The following EIF2AK4 variants were observed in gnomAD, a reference collection of about 807,000 sequenced individuals.
EIF2AK4 encodes the protein eukaryotic translation initiation factor 2 alpha kinase 4.
Under a neutral mutation model 211.1 loss-of-function variants are expected in EIF2AK4, and 139 were observed. The ratio of observed to expected loss-of-function variants is 0.66; its 90% CI spans 0.57 to 0.76. The LOEUF (loss-of-function observed/expected upper bound fraction) is 0.76. Among genes scored for constraint, EIF2AK4 ranks in the 30% least tolerant of loss-of-function variants. EIF2AK4 has a pLI of 0.00. For synonymous variants in EIF2AK4, 710 were observed against 751.3 expected (o/e 0.94, Z 0.90); for missense variants, 1,664 against 2,043.8 (o/e 0.81, Z 3.58).
chr15:40,024,403 C>CTTTT (rs554877205), intron 32 of EIF2AK4, among the ~76,000 whole-genome samples: 15 of 90,762 alleles, frequency 1.7e-4, no homozygotes, highest in Admixed American at 2.8e-4. Flanking sequence ...TTGAGTTTTC[C>CTTTT]TTTTTTTTTT....
At chr15:39,956,870 A>G (rs1368817761) in intron 6 of EIF2AK4, among the ~76,000 whole-genome samples, 2 of 152,252 alleles carry the variant, frequency 1.3e-5, no homozygotes, top group Admixed American at 6.5e-5. Context: ...AAACTTCTGT[A>G]TAGTTTGTTT....
chr15:39,953,430 T>C (rs1400412678), intron 4 of EIF2AK4, among the ~76,000 whole-genome samples: 1 of 152,182 alleles, frequency 6.6e-6, no homozygotes, highest in African/African-American at 2.4e-5. Context: ...GATTGAAGAA[T>C]GGCAGGTAGG....
chr15:40,023,364 G>A (rs987106660), intron 32 of EIF2AK4, among the ~76,000 whole-genome samples: 8 of 151,278 alleles, frequency 5.3e-5, no homozygotes, highest in African/African-American at 1.7e-4. Flanking sequence ...TTTTGGTTTC[G>A]ATATCAGGGT....
rs762737916 is a variant in EIF2AK4 at position 40,001,023 on chromosome 15, A to G, written c.2958A>G (p.Pro986=). ...SVISWLLNHD[P]AKRPTATELL... ...TCTCCTGGCTGTTGAACCACGATCC[A>G]GCAAAACGGCCCACAGCCACAGAAC... Residue 986 remains proline, a synonymous_variant, in exon 21 of 39, where the codon CCA becomes CCG. Transcript: ENST00000263791. 2.0e-5 allele frequency: 33 copies of G among 1,614,110 alleles called. No individual in the cohort carries two copies. In the East Asian group the frequency reaches 7.4e-4, roughly 36 times the overall value.
At chr15:39,968,528 C>G (rs1204129082) in intron 9 of EIF2AK4, among the ~76,000 whole-genome samples, 1 of 152,200 alleles carries the variant, frequency 6.6e-6, no homozygotes, top group Non-Finnish European at 1.5e-5. Context: ...CAAGCCAGAG[C>G]TAAGTTCTGT....
chr15:40,000,320 A>T (rs1310500701), intron 20 of EIF2AK4, among the ~76,000 whole-genome samples: 1 of 152,224 alleles, frequency 6.6e-6, no homozygotes, highest in East Asian at 1.9e-4. Flanking sequence ...AAAATGCTTA[A>T]TAAAGTCCAT....
intron 38 of EIF2AK4, 60 bp from the exon 39 acceptor site, chr15:40,034,967 A>G: frequency 7.4e-7 from 1 of 1,345,942 alleles, no homozygotes; most frequent in East Asian, 2.4e-5. Context: ...AAAATTTATT[A>G]GCTCTGTTCT....
At chr15:39,997,438 G>A (rs2035032399) in intron 19 of EIF2AK4, among the ~76,000 whole-genome samples, 1 of 152,146 alleles carries the variant, frequency 6.6e-6, no homozygotes, top group South Asian at 2.1e-4. Context: ...ATCTTACCTG[G>A]AGAAATTGCT....
chr15:40,001,294 A>T, intron 21 of EIF2AK4, 70 bp downstream of exon 21: 1 of 1,487,434 alleles, frequency 6.7e-7, no homozygotes, highest in Admixed American at 1.7e-5. Context: ...AGTTTCTCAC[A>T]GATTCTTTTA....
intron 5 of EIF2AK4, among the ~76,000 whole-genome samples, 185 bp from the exon 6 acceptor site, chr15:39,955,435 G>T (rs555401633): frequency 6.6e-6 from 1 of 152,080 alleles, no homozygotes; most frequent in South Asian, 2.1e-4. Context: ...GCATTTCTTT[G>T]TGTTGGAAAC....
At chr15:40,035,006 A>ATCTTT (rs138634589) in intron 38 of EIF2AK4, 21 bp from the exon 39 acceptor site, 12 of 1,569,158 alleles carry the variant, frequency 7.6e-6, no homozygotes, top group Non-Finnish European at 1.0e-5. Context: ...CTGTCCTTAT[A>ATCTTT]TCTTTTCTTT....
intron 33 of EIF2AK4, among the ~76,000 whole-genome samples, chr15:40,027,366 G>C (rs992328733): frequency 2.0e-5 from 3 of 152,196 alleles, no homozygotes; most frequent in Admixed American, 1.3e-4. Context: ...AATATTTTAA[G>C]ATTATTATGA....
intron 33 of EIF2AK4, among the ~76,000 whole-genome samples, chr15:40,028,872 T>A (rs2035501156): frequency 1.3e-5 from 2 of 152,242 alleles, no homozygotes; most frequent in South Asian, 4.1e-4. Context: ...AAGTTTTTCC[T>A]CCAGCAAATG....
intron 27 of EIF2AK4, among the ~76,000 whole-genome samples, chr15:40,014,922 C>T (rs961576458): frequency 1.3e-5 from 2 of 152,166 alleles, no homozygotes; most frequent in East Asian, 3.9e-4. Flanking sequence ...AATCATCTCC[C>T]TCAAGTTCAA....
chr15:39,952,410 G>C (rs2140904232), intron 4 of EIF2AK4, among the ~76,000 whole-genome samples: 1 of 151,804 alleles, frequency 6.6e-6, no homozygotes. Context: ...TGAGTAGCTG[G>C]GACTATAGCC....
intron 35 of EIF2AK4, among the ~76,000 whole-genome samples, chr15:40,031,171 C>T (rs940673912): frequency 6.6e-6 from 1 of 152,086 alleles, no homozygotes; most frequent in Non-Finnish European, 1.5e-5. Flanking sequence ...ACTGGGGAGG[C>T]AGAGATTGCA....
chr15:39,966,501 C>CAA (rs11391028), intron 8 of EIF2AK4, among the ~76,000 whole-genome samples: 12,592 of 140,222 alleles, frequency 0.09, 1,056 homozygotes, highest in East Asian at 0.25. Context: ...ACCCTGTCTC[C>CAA]AAAAAAAAAA....
At chr15:39,959,437 C>T (rs2034436497) in intron 6 of EIF2AK4, among the ~76,000 whole-genome samples, 1 of 152,230 alleles carries the variant, frequency 6.6e-6, no homozygotes, top group South Asian at 2.1e-4. Flanking sequence ...ATTGTTTCTG[C>T]TACAACCTGT....
At chr15:40,007,492 G>A (rs931801260) in intron 24 of EIF2AK4, among the ~76,000 whole-genome samples, 3 of 152,180 alleles carry the variant, frequency 2.0e-5, no homozygotes, top group African/African-American at 4.8e-5. Flanking sequence ...GTAGAGAAGT[G>A]GAGTAAACCC....
Sources: allele counts gnomAD v4.1 joint callset (sites outside exome capture counted in the v4.1 genomes callset), GRCh38; gene constraint gnomAD v4.1.1; transcripts MANE v1.5; gene names NCBI Gene and HGNC (gene_info 2026-07-23, HGNC 2026-07-21).